The following RASSF9 variants were observed in gnomAD, a reference collection of about 807,000 sequenced individuals.
The protein encoded by RASSF9 is ras association domain-containing protein 9.
In RASSF9, 18 loss-of-function variants were observed where a neutral mutation model predicts 21.4. The ratio of observed to expected loss-of-function variants is 0.84; its 90% CI spans 0.58 to 1.25. The LOEUF is 1.25. Ranked by LOEUF, RASSF9 falls within the 50% of genes most tolerant of loss-of-function variation. RASSF9 has a pLI of 0.00. For missense variants in RASSF9, 480 were observed against 503.2 expected (o/e 0.95, Z 0.44); for synonymous variants, 183 against 179.1 (o/e 1.02, Z -0.18).
chr12:85,812,113 T>C (rs981197904), intron 1 of RASSF9, among the ~76,000 whole-genome samples: 2 of 151,728 alleles, frequency 1.3e-5, no homozygotes, highest in African/African-American at 4.8e-5. Context: ...ATCTTTTTAG[T>C]TATTGGAAAT....
rs1879815995 is a variant in RASSF9 at position 85,805,755 on chromosome 12, G to A, written c.255C>T (p.Gly85=). ...TTAGTGGAGGAAGAACCCTTTCGGAGCCTCTCCACTTCTCTATGATGCAGT... is the reference window on the plus strand; with the variant it reads ...TTAGTGGAGGAAGAACCCTTTCGGAACCTCTCCACTTCTCTATGATGCAGT... The part of the protein sequence containing the change: ...SDYCIIEKWR[G]SERVLPPLTR... The change falls in exon 2 of 2, where the codon GGC becomes GGT. Residue 85 remains glycine (G), a synonymous_variant. Transcript: ENST00000361228. 1.9e-6 allele frequency: 3 copies of A among 1,613,784 alleles called. No individual in the cohort carries two copies. Among genetic ancestry groups the A allele is most frequent in the Non-Finnish European group, 2.5e-6 (3 of 1,179,850 alleles).
Position 85,808,779 on chromosome 12 carries a change from A to C in RASSF9, c.48-2817T>G, listed in dbSNP as rs969201349. Among the ~76,000 whole-genome samples the C allele has an allele frequency of 4.6e-5, 7 of 152,076 alleles. No individual in the cohort carries two copies. In the East Asian group the frequency reaches 1.3e-3, roughly 29 times the overall value. ...AAACAATATTCTATGTACTTATTGCATGTTAAATTACAAAATTTTATTTTA... is the reference window on the plus strand; with the variant it reads ...AAACAATATTCTATGTACTTATTGCCTGTTAAATTACAAAATTTTATTTTA... On this transcript the variant is annotated intron_variant, in intron 1 of 1. Transcript: ENST00000361228.
chr12:85,816,238 G>A (rs914136192), intron 1 of RASSF9, among the ~76,000 whole-genome samples: 1 of 150,940 alleles, frequency 6.6e-6, no homozygotes, highest in Non-Finnish European at 1.5e-5. Context: ...AGGATAATCT[G>A]TATAACAAAC....
rs1879822652 is a variant in RASSF9, at chr12:85,805,928, C to G, written c.82G>C (p.Glu28Gln). The G allele has an allele frequency of 6.2e-7, 1 of 1,612,842 alleles. No homozygotes were observed. The highest frequency in any genetic ancestry group is 8.5e-7 in the Non-Finnish European group (1 of 1,179,190). The change falls in exon 2 of 2, where the codon GAA (glutamate) becomes CAA (glutamine). Residue 28 changes from glutamate to glutamine, a missense_variant. By Grantham distance (29) the Glu-to-Gln change is conservative. Transcript: ENST00000361228. ...TCTTGGCAAACCCAAACCACAATTT[C>G]CTTCTCTTCTGAATCCATGTCTTTA... The part of the protein sequence containing the change: ...PTKDMDSEEK[E>Q]IVVWVCQEEK...
chr12:85,835,912 C>G (rs1880550187), intron 1 of RASSF9, among the ~76,000 whole-genome samples: 1 of 152,144 alleles, frequency 6.6e-6, no homozygotes, highest in Admixed American at 6.5e-5. Flanking sequence ...TATAATCACT[C>G]TTTATTCTCT....
intron 1 of RASSF9, among the ~76,000 whole-genome samples, chr12:85,831,479 C>T (rs1880450606): frequency 6.6e-6 from 1 of 151,790 alleles, no homozygotes; most frequent in African/African-American, 2.4e-5. Context: ...TCAATTTTAC[C>T]CTTGGCACAG....
At chr12:85,824,657 C>A (rs1178874797) in intron 1 of RASSF9, among the ~76,000 whole-genome samples, 1 of 152,112 alleles carries the variant, frequency 6.6e-6, no homozygotes, top group Non-Finnish European at 1.5e-5. Flanking sequence ...AGGGTTGCTT[C>A]CATAATCTGA....
intron 1 of RASSF9, among the ~76,000 whole-genome samples, chr12:85,825,467 C>T (rs1294241903): frequency 6.6e-6 from 1 of 151,996 alleles, no homozygotes; most frequent in African/African-American, 2.4e-5. Flanking sequence ...TTATAACTGC[C>T]CCACCACCTG....
intron 1 of RASSF9, 110 bp downstream of exon 1, chr12:85,836,045 A>G: frequency 6.5e-7 from 1 of 1,530,194 alleles, no homozygotes; most frequent in Non-Finnish European, 8.8e-7. Flanking sequence ...TTTTTATCAG[A>G]ATCTAACAAC....
At chr12:85,821,800 A>G (rs1738793344) in intron 1 of RASSF9, among the ~76,000 whole-genome samples, 1 of 152,202 alleles carries the variant, frequency 6.6e-6, no homozygotes, top group African/African-American at 2.4e-5. Context: ...GGGTAGCTAT[A>G]GAACATAATT....
intron 1 of RASSF9, among the ~76,000 whole-genome samples, chr12:85,811,728 C>A (rs1435681114): frequency 6.6e-6 from 1 of 151,768 alleles, no homozygotes; most frequent in African/African-American, 2.4e-5. Flanking sequence ...TATCCATGAA[C>A]TTTCTTTAAT....
intron 1 of RASSF9, among the ~76,000 whole-genome samples, chr12:85,834,073 G>C (rs75284110): frequency 0.029 from 4,396 of 152,074 alleles, 234 homozygotes; most frequent in African/African-American, 0.1. Flanking sequence ...TATAGCATTA[G>C]TAAATACCAA....
chr12:85,813,755 G>T (rs2136554216), intron 1 of RASSF9, among the ~76,000 whole-genome samples: 1 of 151,360 alleles, frequency 6.6e-6, no homozygotes, highest in South Asian at 2.1e-4. Context: ...AAAATAATAA[G>T]AATAAATAAA....
Position 85,805,920 on chromosome 12 carries a change from C to A in RASSF9, c.90G>T (p.Val30=). Residue 30 remains valine (V), a synonymous_variant, in exon 2 of 2, where the codon GTG becomes GTT. Transcript: ENST00000361228. ...KDMDSEEKEI[V]VWVCQEEKLV... ...GCTTCTCTTCTTGGCAAACCCAAAC[C>A]ACAATTTCCTTCTCTTCTGAATCCA... 6.2e-7 allele frequency: 1 copy of A among 1,613,214 alleles called. No individual in the cohort carries two copies. The highest frequency in any genetic ancestry group is 1.7e-5 in the Admixed American group (1 of 59,938).
rs1323317912 is a variant in RASSF9 at position 85,804,983 on chromosome 12, T to C, written c.1027A>G (p.Ile343Val). The part of the protein sequence containing the change: ...HSHLSGIQKE[I>V]KYSDSLLQMK... ...TGAAGCAATGAGTCACTGTATTTAATCTCTTTCTGGATGCCACTCAAATGA... is the reference window on the plus strand; with the variant it reads ...TGAAGCAATGAGTCACTGTATTTAACCTCTTTCTGGATGCCACTCAAATGA... Residue 343 changes from isoleucine (I) to valine (V), a missense_variant, in exon 2 of 2, where the codon ATT becomes GTT. Ile to Val is a conservative substitution (Grantham distance 29). Transcript: ENST00000361228. 1 of 1,613,730 alleles carries C rather than the reference T, an allele frequency of 6.2e-7. No homozygotes were observed. Among genetic ancestry groups the C allele is most frequent in the Non-Finnish European group, 8.5e-7 (1 of 1,179,760 alleles).
In RASSF9 at chr12:85,804,390, A is replaced by T; in HGVS notation, c.*312T>A. On this transcript the variant is annotated 3_prime_UTR_variant, in exon 2 of 2. Transcript: ENST00000361228. The stretch of plus-strand genomic sequence containing the variant: ...GTCTAATATTGAGGATTGCTTTTAA[A>T]GTTTATGTAAATCGTTTTCCACAGA... 4.1e-6 allele frequency: 1 copy of T among 243,836 alleles called. No homozygotes were observed. The highest frequency in any genetic ancestry group is 7.9e-6 in the Non-Finnish European group (1 of 126,500). The allele number at this position is 243,836 out of a possible 1,614,324, so 15.1% of individuals were successfully genotyped here.
In RASSF9 at chr12:85,804,315, A is replaced by C. The variant is rs1344413653; in HGVS notation, c.*387T>G. Reference sequence around the variant, plus strand: ...CAATTATACAGTGTTGGAAAAATATATATTACAGCACATTTTAATTCTACT... The same window carrying C: ...CAATTATACAGTGTTGGAAAAATATCTATTACAGCACATTTTAATTCTACT... On this transcript the variant is annotated 3_prime_UTR_variant, in exon 2 of 2. Coordinates refer to ENST00000361228, the MANE Select transcript of RASSF9 (RefSeq NM_005447.4). 1 of 164,760 alleles carries C rather than the reference A, an allele frequency of 6.1e-6. No homozygotes were observed. Among genetic ancestry groups the C allele is most frequent in the African/African-American group, 2.4e-5 (1 of 41,838 alleles). 10.2% of individuals were successfully genotyped at this position (164,760 alleles called of 1,614,324 possible). A position where few individuals can be genotyped will look rare whatever the true frequency, so the allele number is the denominator to read the frequency against.
chr12:85,805,105 G>A lies in RASSF9; in HGVS notation c.905C>T (p.Ala302Val), dbSNP rs202155968. The change falls in exon 2 of 2, where the codon GCG becomes GTG. Residue 302 changes from alanine to valine, a missense_variant. Transcript: ENST00000361228. ...KSVCIDINED[A>V]EGEAASELES... ...CAGTTCACTTGCAGCTTCCCCTTCC[G>A]CATCTTCATTTATATCAATGCAAAC... is the stretch of plus-strand genomic sequence containing the variant. 6.6e-5 allele frequency: 106 copies of A among 1,613,648 alleles called. No homozygotes were observed. The highest frequency in any genetic ancestry group is 1.6e-4 in the East Asian group (7 of 44,888).
At chr12:85,815,539 C>G (rs946220660) in intron 1 of RASSF9, among the ~76,000 whole-genome samples, 1 of 152,116 alleles carries the variant, frequency 6.6e-6, no homozygotes, top group Non-Finnish European at 1.5e-5. Context: ...AATGACTGAA[C>G]TAATGTACAC....
Sources: gnomAD v4.1 joint callset for allele counts (sites outside exome capture counted in the v4.1 genomes callset) on GRCh38, gnomAD v4.1.1 for gene constraint, MANE v1.5 for transcripts, NCBI Gene and HGNC (gene_info 2026-07-23, HGNC 2026-07-21) for gene names.